The following ADGRL3 variants were observed in gnomAD, a reference collection of about 807,000 sequenced individuals.
ADGRL3 encodes the protein adhesion G protein-coupled receptor L3.
A neutral mutation model predicts 153.5 loss-of-function variants in ADGRL3; 62 were observed. The ratio of observed to expected loss-of-function variants is 0.40; its 90% CI spans 0.33 to 0.50. The LOEUF is 0.50. Among genes scored for constraint, ADGRL3 ranks in the 20% least tolerant of loss-of-function variants. The pLI, the probability that ADGRL3 is intolerant of heterozygous loss-of-function variation, is 0.47. For missense variants in ADGRL3, 1,641 were observed against 1,859.4 expected (o/e 0.88, Z 2.16); for synonymous variants, 710 against 672.5 (o/e 1.06, Z -0.86).
At chr4:61,728,326 A>G (rs2096383381) in intron 6 of ADGRL3, among the ~76,000 whole-genome samples, 1 of 152,068 alleles carries the variant, frequency 6.6e-6, no homozygotes, top group African/African-American at 2.4e-5. Context: ...GCTTATGCCA[A>G]TTTCTCTGAT....
intron 2 of ADGRL3, among the ~76,000 whole-genome samples, chr4:61,384,761 A>G (rs1245705447): frequency 6.6e-6 from 1 of 152,082 alleles, no homozygotes; most frequent in Non-Finnish European, 1.5e-5. Flanking sequence ...AAAGAAATGA[A>G]GTAACGATTC....
intron 8 of ADGRL3, among the ~76,000 whole-genome samples, chr4:61,743,825 G>A (rs4339245): frequency 6.6e-6 from 1 of 151,990 alleles, no homozygotes; most frequent in Non-Finnish European, 1.5e-5. Context: ...CTGAGGTACC[G>A]GGTTCATCTC....
intron 12 of ADGRL3, among the ~76,000 whole-genome samples, chr4:61,911,416 T>G (rs2098721202): frequency 6.6e-6 from 1 of 152,108 alleles, no homozygotes; most frequent in Admixed American, 6.6e-5. Flanking sequence ...CTCTTTTCAG[T>G]TGTTTATATA....
At chr4:61,532,545 C>T (rs1468858579) in intron 4 of ADGRL3, among the ~76,000 whole-genome samples, 6 of 77,334 alleles carry the variant, frequency 7.8e-5, no homozygotes, top group African/African-American at 2.7e-4. Context: ...CGCGCGCGCG[C>T]GCGCGCGCGC....
At chr4:61,435,842 G>C (rs1039117374) in intron 2 of ADGRL3, among the ~76,000 whole-genome samples, 1 of 151,988 alleles carries the variant, frequency 6.6e-6, no homozygotes, top group Admixed American at 6.6e-5. Context: ...GGGGAAGTCC[G>C]TAGTAAAGTT....
At chr4:61,874,386 T>C (rs2098462040) in intron 9 of ADGRL3, among the ~76,000 whole-genome samples, 1 of 152,260 alleles carries the variant, frequency 6.6e-6, no homozygotes, top group Admixed American at 6.5e-5. Context: ...GCTTACAAGA[T>C]TAAGTTAGAG....
intron 4 of ADGRL3, among the ~76,000 whole-genome samples, chr4:61,521,258 A>C (rs1435357373): frequency 6.6e-6 from 1 of 152,118 alleles, no homozygotes; most frequent in Admixed American, 6.6e-5. Flanking sequence ...ACAGAAATGG[A>C]AGAAGAAAGA....
chr4:61,635,073 T>A (rs2093357454), intron 5 of ADGRL3, among the ~76,000 whole-genome samples: 1 of 152,066 alleles, frequency 6.6e-6, no homozygotes, highest in South Asian at 2.1e-4. Flanking sequence ...CACTGAGAAC[T>A]AAAAGAAGGG....
chr4:61,520,863 A>G (rs1252191019), intron 4 of ADGRL3, among the ~76,000 whole-genome samples: 1 of 151,730 alleles, frequency 6.6e-6, no homozygotes, highest in Non-Finnish European at 1.5e-5. Context: ...CAATCTTTCC[A>G]ACAGCTTTCT....
chr4:61,769,943 C>A (rs1354333007), intron 8 of ADGRL3, among the ~76,000 whole-genome samples: 1 of 152,108 alleles, frequency 6.6e-6, no homozygotes, highest in Non-Finnish European at 1.5e-5. Flanking sequence ...TTTTGTGATT[C>A]TTTAGTTACT....
At chr4:61,927,373 A>T (rs1581496147) in intron 13 of ADGRL3, among the ~76,000 whole-genome samples, 1 of 152,058 alleles carries the variant, frequency 6.6e-6, no homozygotes, top group Non-Finnish European at 1.5e-5. Context: ...TTTAAAAAAA[A>T]AAATAAGAGG....
intron 2 of ADGRL3, among the ~76,000 whole-genome samples, chr4:61,469,034 C>T (rs1410386201): frequency 6.6e-6 from 1 of 152,052 alleles, no homozygotes; most frequent in African/African-American, 2.4e-5. Flanking sequence ...AGTCATATGA[C>T]TCTTTCCCAG....
chr4:61,672,045 AG>A (rs1199339764), intron 5 of ADGRL3, among the ~76,000 whole-genome samples: 1 of 152,166 alleles, frequency 6.6e-6, no homozygotes, highest in African/African-American at 2.4e-5. Context: ...GCTGTACAGA[AG>A]CTTTGTAGTT....
chr4:61,809,352 A>G (rs572349362), intron 8 of ADGRL3, among the ~76,000 whole-genome samples: 1 of 152,158 alleles, frequency 6.6e-6, no homozygotes, highest in Non-Finnish European at 1.5e-5. Flanking sequence ...TAATATTTCT[A>G]TAAATATGCA....
rs1561398139 is a variant in ADGRL3 at position 61,874,787 on chromosome 4, C to CTTT, written c.1481-17868_1481-17867insTTT. Among the ~76,000 whole-genome samples, 43 of 88,588 alleles carry CTTT rather than the reference C, an allele frequency of 4.9e-4. 4 individuals are homozygous for CTTT. The highest frequency in any genetic ancestry group is 7.7e-4 in the African/African-American group (19 of 24,548). The allele number at this position is 88,588 out of a possible 152,430, so 58.1% of individuals were successfully genotyped here. On this transcript the variant is annotated intron_variant, in intron 9 of 26. Coordinates refer to ENST00000683033, the MANE Select transcript of ADGRL3 (RefSeq NM_001387552.1). ...AAATATTTTCAACGACATCAAAATG[C>CTTT]TCTTTTTTTTTTTTTTTTTTTTTTT...
At chr4:61,909,131 A>C (rs1001705489) in intron 11 of ADGRL3, among the ~76,000 whole-genome samples, 1 of 152,216 alleles carries the variant, frequency 6.6e-6, no homozygotes, top group Non-Finnish European at 1.5e-5. Flanking sequence ...TTAGTAGCTG[A>C]TGAGTATTCA....
chr4:61,781,982 C>T (rs1310951303), intron 8 of ADGRL3, among the ~76,000 whole-genome samples: 2 of 152,168 alleles, frequency 1.3e-5, no homozygotes, highest in East Asian at 3.9e-4. Context: ...AATTTGTGCC[C>T]AATTCTGTGC....
At chr4:61,283,354 A>G (rs1056203703) in intron 1 of ADGRL3, among the ~76,000 whole-genome samples, 2 of 152,054 alleles carry the variant, frequency 1.3e-5, no homozygotes, top group African/African-American at 4.8e-5. Flanking sequence ...ACAAAAATTG[A>G]TCCCTAAGAA....
chr4:61,497,432 G>T, intron 3 of ADGRL3, 84 bp downstream of exon 3: 3 of 779,916 alleles, frequency 3.8e-6, no homozygotes, highest in Non-Finnish European at 2.0e-6. Context: ...TTTTCTCTGA[G>T]ACTGCTTTGT....
Sources: allele counts gnomAD v4.1 joint callset (sites outside exome capture counted in the v4.1 genomes callset), GRCh38; gene constraint gnomAD v4.1.1; transcripts MANE v1.5; gene names NCBI Gene and HGNC (gene_info 2026-07-23, HGNC 2026-07-21).